The following CNBD1 variants were observed in gnomAD, a reference collection of about 807,000 sequenced individuals.
The protein encoded by CNBD1 is cyclic nucleotide binding domain containing 1, also known as cyclic nucleotide-binding domain-containing protein 1.
Under a neutral mutation model 54.4 loss-of-function variants are expected in CNBD1, and 71 were observed. The ratio of observed to expected loss-of-function variants is 1.30; its 90% CI spans 1.08 to 1.59. CNBD1 has a LOEUF of 1.59. Among genes scored for constraint, CNBD1 ranks in the 40% most tolerant of loss-of-function variants. The pLI is 0.00. For missense variants in CNBD1, 659 were observed against 518.0 expected (o/e 1.27, Z -2.64); for synonymous variants, 182 against 170.7 (o/e 1.07, Z -0.51).
intron 8 of CNBD1, among the ~76,000 whole-genome samples, chr8:87,325,802 C>A (rs1809654973): frequency 1.3e-5 from 2 of 149,358 alleles, no homozygotes; most frequent in African/African-American, 5.0e-5. Context: ...AGTCCATTTA[C>A]ATTTAAAGTT....
intron 8 of CNBD1, among the ~76,000 whole-genome samples, chr8:87,307,297 G>A (rs550400111): frequency 5.9e-5 from 9 of 152,170 alleles, no homozygotes; most frequent in South Asian, 2.1e-4. Context: ...ATTAATTGAC[G>A]TACATGAGGA....
chr8:87,426,019 G>C (rs978169707), intron 2 of CNBD1, among the ~76,000 whole-genome samples: 1 of 152,200 alleles, frequency 6.6e-6, no homozygotes, highest in Admixed American at 6.5e-5. Flanking sequence ...ATAATCTCGT[G>C]GTGCACCGTT....
chr8:87,055,291 C>G (rs1316486153), intron 4 of CNBD1, among the ~76,000 whole-genome samples: 2 of 152,184 alleles, frequency 1.3e-5, no homozygotes, highest in African/African-American at 4.8e-5. Flanking sequence ...CTTCTCTCAT[C>G]TCTGTTGCTG....
intron 6 of CNBD1, among the ~76,000 whole-genome samples, chr8:87,261,420 G>A (rs1193193877): frequency 6.6e-6 from 1 of 151,608 alleles, no homozygotes; most frequent in Admixed American, 6.6e-5. Context: ...TAAATTTAAT[G>A]GAGTTTAATT....
intron 4 of CNBD1, among the ~76,000 whole-genome samples, chr8:87,178,288 G>T (rs1216993866): frequency 1.3e-5 from 2 of 152,168 alleles, no homozygotes; most frequent in South Asian, 4.1e-4. Context: ...AGTAGAGGTG[G>T]ATAATTCAGT....
At position 87,293,513 on chromosome 8, in the gene CNBD1, A is replaced by T. The variant is rs775467795; in HGVS notation, c.1042+6842A>T. Among the ~76,000 whole-genome samples the T allele has an allele frequency of 3.9e-4, 59 of 152,184 alleles. 1 individual carries two copies. Among genetic ancestry groups the T allele is most frequent in the Non-Finnish European group, 4.1e-4 (28 of 68,024 alleles). On this transcript the variant is annotated intron_variant, in intron 8 of 10. Coordinates refer to ENST00000518476, the MANE Select transcript of CNBD1 (RefSeq NM_173538.3). ...AGCCGAGATCGTGCTGCTGCACTCC[A>T]GCCTGGGTGACAGAGCAAGACTCCA...
intron 10 of CNBD1, among the ~76,000 whole-genome samples, chr8:87,377,183 C>A (rs13248251): frequency 6.7e-6 from 1 of 149,262 alleles, no homozygotes; most frequent in Admixed American, 6.7e-5. Flanking sequence ...TTAAGTTTTA[C>A]GGTACATGTG....
intron 4 of CNBD1, among the ~76,000 whole-genome samples, chr8:87,116,992 C>T (rs1811785495): frequency 6.6e-6 from 1 of 152,106 alleles, no homozygotes; most frequent in South Asian, 2.1e-4. Context: ...GACAATCTGT[C>T]TTTTGGCTAT....
chr8:86,905,628 G>T (rs1809006170), intron 3 of CNBD1, among the ~76,000 whole-genome samples: 1 of 152,002 alleles, frequency 6.6e-6, no homozygotes, highest in Non-Finnish European at 1.5e-5. Context: ...TTTTTTACTG[G>T]GCTCCTGCTT....
At chr8:87,051,337 G>T (rs1458523651) in intron 4 of CNBD1, among the ~76,000 whole-genome samples, 1 of 152,158 alleles carries the variant, frequency 6.6e-6, no homozygotes, top group Non-Finnish European at 1.5e-5. Context: ...AGGGCTCCTG[G>T]ATAGTGAGGG....
chr8:86,958,302 A>T (rs1043662287), intron 4 of CNBD1, among the ~76,000 whole-genome samples: 6 of 152,182 alleles, frequency 3.9e-5, no homozygotes, highest in Admixed American at 3.9e-4. Context: ...AAGAGTGTAT[A>T]TTCTGTTGAT....
intron 8 of CNBD1, among the ~76,000 whole-genome samples, chr8:87,345,112 A>T (rs1290303730): frequency 6.6e-6 from 1 of 152,174 alleles, no homozygotes; most frequent in African/African-American, 2.4e-5. Context: ...AAGTCATTTA[A>T]CTACTTCAGC....
rs138243718 is a variant in CNBD1 at position 87,397,228 on chromosome 8, G to A, written c.214-31318G>A. On this transcript the variant is annotated intron_variant, in intron 2 of 7. Transcript: ENST00000521593. ...CAAAGTTTATTTACACTGGAATTAGGCAAGTGATAATAATATTTATACTAT... is the reference window on the plus strand; with the variant it reads ...CAAAGTTTATTTACACTGGAATTAGACAAGTGATAATAATATTTATACTAT... 3.0e-3 allele frequency among the ~76,000 whole-genome samples: 455 copies of A among 151,794 alleles called. 5 individuals are homozygous for A. Among genetic ancestry groups the A allele is most frequent in the African/African-American group, 9.8e-3 (408 of 41,440 alleles).
At chr8:87,327,954 G>A (rs1054466679) in intron 8 of CNBD1, among the ~76,000 whole-genome samples, 3 of 151,136 alleles carry the variant, frequency 2.0e-5, no homozygotes, top group Non-Finnish European at 3.0e-5. Flanking sequence ...TTTTTTGCAT[G>A]TTGATATCCA....
At chr8:87,316,929 C>T (rs1041538324) in intron 8 of CNBD1, among the ~76,000 whole-genome samples, 15 of 151,534 alleles carry the variant, frequency 9.9e-5, no homozygotes, top group Non-Finnish European at 7.4e-5. Context: ...TAGAATGTGA[C>T]TTAAGAAGTC....
intron 4 of CNBD1, among the ~76,000 whole-genome samples, chr8:87,063,914 T>C (rs1018085438): frequency 3.3e-5 from 5 of 152,020 alleles, no homozygotes; most frequent in African/African-American, 9.7e-5. Flanking sequence ...TTATTGCTAC[T>C]TTATAGAAAT....
intron 8 of CNBD1, among the ~76,000 whole-genome samples, chr8:87,318,602 A>C (rs918191747): frequency 5.3e-5 from 8 of 152,102 alleles, no homozygotes; most frequent in Non-Finnish European, 1.0e-4. Context: ...CACCCAGTAC[A>C]GCTTCCCAGA....
chr8:87,261,599 T>C (rs1338318292), intron 6 of CNBD1, among the ~76,000 whole-genome samples: 2 of 151,424 alleles, frequency 1.3e-5, no homozygotes, highest in African/African-American at 4.9e-5. Context: ...ACTGGATTGG[T>C]TACGGGTTGG....
chr8:87,425,890 G>A (rs1489209970), intron 2 of CNBD1, among the ~76,000 whole-genome samples: 4 of 152,098 alleles, frequency 2.6e-5, no homozygotes, highest in Non-Finnish European at 4.4e-5. Flanking sequence ...AATCAAGCCT[G>A]GGCAATGGCG....
Sources: gnomAD v4.1 joint callset for allele counts (sites outside exome capture counted in the v4.1 genomes callset) on GRCh38, gnomAD v4.1.1 for gene constraint, MANE v1.5 for transcripts, NCBI Gene and HGNC (gene_info 2026-07-23, HGNC 2026-07-21) for gene names.